RANBP9: variants seen among roughly 807,000 people sequenced by gnomAD.
RANBP9 encodes the protein ran-binding protein 9.
A neutral mutation model predicts 84.3 loss-of-function variants in RANBP9; 15 were observed. The ratio of observed to expected loss-of-function variants is 0.18; its 90% CI spans 0.12 to 0.27. The LOEUF (loss-of-function observed/expected upper bound fraction) is 0.27, where lower values mean the gene tolerates loss of function less well. Ranked by LOEUF, RANBP9 falls within the 10% of genes least tolerant of loss-of-function variation. The pLI is 1.00. For missense variants in RANBP9, 809 were observed against 912.8 expected (o/e 0.89, Z 1.46); for synonymous variants, 392 against 349.6 (o/e 1.12, Z -1.35).
intron 2 of RANBP9, among the ~76,000 whole-genome samples, chr6:13,689,198 T>C (rs1766267371): frequency 6.6e-6 from 1 of 151,284 alleles, no homozygotes; most frequent in African/African-American, 2.4e-5. Context: ...AGCTCCCTTC[T>C]ACCTATAGAG....
chr6:13,659,255 CAT>C (rs754306478), intron 2 of RANBP9, among the ~76,000 whole-genome samples: 3,637 of 95,100 alleles, frequency 0.038, 55 homozygotes, highest in East Asian at 0.1. Flanking sequence ...CACACACACA[CAT>C]ACACACACAC....
intron 13 of RANBP9, among the ~76,000 whole-genome samples, chr6:13,623,019 G>C (rs564701889): frequency 1.3e-5 from 2 of 152,248 alleles, no homozygotes; most frequent in East Asian, 3.9e-4. Context: ...GACAGTGAGA[G>C]AACATACAGC....
intron 1 of RANBP9, among the ~76,000 whole-genome samples, chr6:13,703,759 T>C (rs1250248573): frequency 2.0e-5 from 3 of 152,324 alleles, no homozygotes; most frequent in South Asian, 2.1e-4. Flanking sequence ...TTTAATAGAA[T>C]AGAATTAAGT....
At chr6:13,646,520 C>G (rs1261137702) in intron 5 of RANBP9, among the ~76,000 whole-genome samples, 1 of 152,090 alleles carries the variant, frequency 6.6e-6, no homozygotes, top group Non-Finnish European at 1.5e-5. Flanking sequence ...GAGTGAAAGA[C>G]AATTCTGTTC....
At position 13,706,196 on chromosome 6, in the gene RANBP9, T is replaced by G. The variant is rs540105725; in HGVS notation, c.571+4739A>C. 7.2e-5 allele frequency among the ~76,000 whole-genome samples: 11 copies of G among 151,948 alleles called. 1 individual carries two copies. Among genetic ancestry groups the G allele is most frequent in the African/African-American group, 2.7e-4 (11 of 41,452 alleles). ...TATCTCTACTAAAAATACAAAAAAT[T>G]AGCCGGGCGTCGCGGCGGGCACCTG... On this transcript the variant is annotated intron_variant, in intron 1 of 13. Coordinates refer to ENST00000011619, the MANE Select transcript of RANBP9 (RefSeq NM_005493.3).
intron 6 of RANBP9, 29 bp from the exon 7 acceptor site, chr6:13,642,620 T>C (rs1489164169): frequency 6.9e-7 from 1 of 1,445,760 alleles, no homozygotes; most frequent in Non-Finnish European, 9.6e-7. Context: ...AACATACATC[T>C]TTTAGTGAAG....
At chr6:13,680,349 TAAAGAA>T (rs1766005750) in intron 2 of RANBP9, among the ~76,000 whole-genome samples, 1 of 152,124 alleles carries the variant, frequency 6.6e-6, no homozygotes, top group Non-Finnish European at 1.5e-5. Flanking sequence ...AATGGTTCTT[TAAAGAA>T]AAAGAAAAAT....
At chr6:13,634,102 C>G (rs773809884) in intron 11 of RANBP9, among the ~76,000 whole-genome samples, 2 of 152,136 alleles carry the variant, frequency 1.3e-5, no homozygotes, top group Non-Finnish European at 2.9e-5. Context: ...ACTGACTATA[C>G]TGACATAAAT....
chr6:13,681,281 T>G (rs1277839990), intron 2 of RANBP9, among the ~76,000 whole-genome samples: 1 of 151,814 alleles, frequency 6.6e-6, no homozygotes, highest in African/African-American at 2.4e-5. Flanking sequence ...GGGTTTGAGA[T>G]AAAGGGGCAA....
chr6:13,660,149 A>G (rs1375995081), intron 2 of RANBP9, among the ~76,000 whole-genome samples: 6 of 152,236 alleles, frequency 3.9e-5, no homozygotes, highest in African/African-American at 1.4e-4. Flanking sequence ...AAGGCTCAAA[A>G]TTACATATTA....
chr6:13,650,767 A>G (rs2127768322), intron 5 of RANBP9, among the ~76,000 whole-genome samples: 1 of 152,270 alleles, frequency 6.6e-6, no homozygotes, highest in South Asian at 2.1e-4. Context: ...CATGGGCATC[A>G]GCCTCGGCAA....
At chr6:13,708,584 T>TACA (rs1758188902) in intron 1 of RANBP9, among the ~76,000 whole-genome samples, 1 of 152,232 alleles carries the variant, frequency 6.6e-6, no homozygotes, top group Admixed American at 6.5e-5. Flanking sequence ...CGTGAATATA[T>TACA]GAATAGTAGT....
intron 2 of RANBP9, among the ~76,000 whole-genome samples, chr6:13,670,556 G>C (rs1352741207): frequency 6.6e-6 from 1 of 152,142 alleles, no homozygotes; most frequent in East Asian, 1.9e-4. Flanking sequence ...CAGCACTTTG[G>C]GAGGCTGAGG....
At chr6:13,643,529 T>C (rs541890138) in intron 6 of RANBP9, among the ~76,000 whole-genome samples, 44 of 152,142 alleles carry the variant, frequency 2.9e-4, no homozygotes, top group Non-Finnish European at 5.6e-4. Context: ...TTTTACCCAA[T>C]TGTTCAAATT....
chr6:13,679,870 C>A (rs1173957190), intron 2 of RANBP9, among the ~76,000 whole-genome samples: 1 of 152,108 alleles, frequency 6.6e-6, no homozygotes, highest in African/African-American at 2.4e-5. Context: ...TTAAAAATTA[C>A]ACTGGATGTT....
intron 2 of RANBP9, among the ~76,000 whole-genome samples, chr6:13,685,804 T>A (rs913184172): frequency 6.6e-6 from 1 of 151,616 alleles, no homozygotes; most frequent in Admixed American, 6.6e-5. Context: ...GGTGTGCGCC[T>A]GTAGTCCCAG....
chr6:13,683,325 A>C (rs1178235589), intron 2 of RANBP9, among the ~76,000 whole-genome samples: 1 of 152,226 alleles, frequency 6.6e-6, no homozygotes, highest in Non-Finnish European at 1.5e-5. Flanking sequence ...GAATGGTTAT[A>C]AACTGTTTTC....
At position 13,685,034 on chromosome 6, in the gene RANBP9, T is replaced by C. The variant is rs532387123; in HGVS notation, c.683+11751A>G. Among the ~76,000 whole-genome samples, 15 of 152,312 alleles carry C rather than the reference T, an allele frequency of 9.8e-5. No individual in the cohort carries two copies. The East Asian group carries it at 2.9e-3, about 29-fold the overall frequency. On this transcript the variant is annotated intron_variant, in intron 2 of 13. Transcript: ENST00000011619. ...TGATTCCTTCTCCTCAGCATATACATACAACAAGGTCTCTCCCACCCAAAC... is the reference window on the plus strand; with the variant it reads ...TGATTCCTTCTCCTCAGCATATACACACAACAAGGTCTCTCCCACCCAAAC...
chr6:13,647,053 TA>T (rs1474832340), intron 5 of RANBP9, among the ~76,000 whole-genome samples: 1 of 152,170 alleles, frequency 6.6e-6, no homozygotes, highest in Non-Finnish European at 1.5e-5. Flanking sequence ...GTTGGGGAAA[TA>T]ACCCTTTCAT....
Sources: gnomAD v4.1 joint callset for allele counts (sites outside exome capture counted in the v4.1 genomes callset) on GRCh38, gnomAD v4.1.1 for gene constraint, MANE v1.5 for transcripts, NCBI Gene and HGNC (gene_info 2026-07-23, HGNC 2026-07-21) for gene names.